LRP1B: variants seen among roughly 807,000 people sequenced by gnomAD.
LRP1B encodes the protein low-density lipoprotein receptor-related protein 1B.
LRP1B carries 217 observed loss-of-function variants against 556.6 expected under a neutral mutation model. The ratio of observed to expected loss-of-function variants is 0.39; its 90% CI spans 0.35 to 0.44. The LOEUF (loss-of-function observed/expected upper bound fraction) is 0.44, where lower values mean the gene tolerates loss of function less well. Ranked by LOEUF, LRP1B falls within the 20% of genes least tolerant of loss-of-function variation. The probability of loss-of-function intolerance (pLI) is 1.00; values close to 1 mark genes in which losing one functional copy is unlikely to be tolerated. For synonymous variants in LRP1B, 2,047 were observed against 1,865.8 expected, an observed-to-expected ratio of 1.10 and a Z score of -2.50; for missense variants, 5,053 against 5,620.8, an observed-to-expected ratio of 0.90 and a Z score of 3.23.
rs189995831 is a variant in LRP1B at position 140,902,852 on chromosome 2, A to G, written c.3766+68T>C. On this transcript the variant is annotated intron_variant, in intron 23 of 90. Coordinates refer to ENST00000389484, the MANE Select transcript of LRP1B (RefSeq NM_018557.3). Reference sequence around the variant, plus strand: ...AATCCTTTCATTAATTTTCTGAAGCAGTTTTGGGATTTGTTTCTTTCAAGA... The same window carrying G: ...AATCCTTTCATTAATTTTCTGAAGCGGTTTTGGGATTTGTTTCTTTCAAGA... 1.7e-4 allele frequency: 261 copies of G among 1,507,332 alleles called. No homozygotes were observed. The African/African-American group carries it at 3.3e-3, about 19-fold the overall frequency. The allele number at this position is 1,507,332 out of a possible 1,614,324, so 93.4% of individuals were successfully genotyped here.
intron 1 of LRP1B, among the ~76,000 whole-genome samples, chr2:142,043,411 C>G (rs937468660): frequency 6.6e-6 from 1 of 151,520 alleles, no homozygotes. Context: ...AGTTGAACCT[C>G]TATTCAAAGG....
intron 1 of LRP1B, among the ~76,000 whole-genome samples, chr2:141,946,806 A>G (rs1465836916): frequency 1.3e-5 from 2 of 152,224 alleles, no homozygotes; most frequent in Non-Finnish European, 2.9e-5. Flanking sequence ...ATTTGTTATA[A>G]GCCTAAAATA....
intron 16 of LRP1B, among the ~76,000 whole-genome samples, chr2:140,992,178 G>GA (rs377009997): frequency 1.3e-5 from 2 of 151,692 alleles, no homozygotes; most frequent in Non-Finnish European, 2.9e-5. Flanking sequence ...TTAGGAAGTA[G>GA]AAAAAATAGG....
chr2:141,170,939 C>A (rs181421366), intron 7 of LRP1B, among the ~76,000 whole-genome samples: 6 of 152,098 alleles, frequency 3.9e-5, no homozygotes, highest in African/African-American at 1.2e-4. Context: ...CATCTGTTTC[C>A]TGATTGATCC....
intron 4 of LRP1B, among the ~76,000 whole-genome samples, chr2:141,251,370 T>A (rs571922098): frequency 2.6e-5 from 4 of 152,082 alleles, no homozygotes; most frequent in African/African-American, 4.8e-5. Flanking sequence ...AATAAGATAA[T>A]TGGGAAAGTA....
At chr2:141,054,884 T>TA (rs958353694) in intron 10 of LRP1B, among the ~76,000 whole-genome samples, 1 of 151,986 alleles carries the variant, frequency 6.6e-6, no homozygotes, top group Non-Finnish European at 1.5e-5. Context: ...TTCCTCAACA[T>TA]ATGTTTCCCT....
chr2:140,335,239 A>G (rs1043047331), intron 78 of LRP1B, among the ~76,000 whole-genome samples: 1 of 151,800 alleles, frequency 6.6e-6, no homozygotes, highest in Admixed American at 6.6e-5. Context: ...TTTTATTACC[A>G]TAGAGAAAAA....
intron 2 of LRP1B, among the ~76,000 whole-genome samples, chr2:141,487,362 A>G (rs1378224687): frequency 6.6e-6 from 1 of 152,140 alleles, no homozygotes; most frequent in African/African-American, 2.4e-5. Flanking sequence ...TGCTTGGCAT[A>G]CCATTGTTGA....
chr2:141,046,805 G>C (rs535472064), intron 11 of LRP1B, among the ~76,000 whole-genome samples: 234 of 152,218 alleles, frequency 1.5e-3, no homozygotes, highest in Non-Finnish European at 2.6e-3. Context: ...GTGTTGGCCA[G>C]GCATGGTGGC....
At chr2:141,878,999 T>C (rs1362693900) in intron 1 of LRP1B, among the ~76,000 whole-genome samples, 1 of 151,926 alleles carries the variant, frequency 6.6e-6, no homozygotes, top group Non-Finnish European at 1.5e-5. Flanking sequence ...TTTACATAAA[T>C]ATACGTAACT....
intron 2 of LRP1B, among the ~76,000 whole-genome samples, chr2:141,616,213 C>T (rs536507759): frequency 1.1e-4 from 16 of 150,976 alleles, no homozygotes; most frequent in African/African-American, 2.9e-4. Flanking sequence ...ACCCAGGAGA[C>T]GGAGGTTGCA....
intron 5 of LRP1B, among the ~76,000 whole-genome samples, chr2:141,230,708 A>G (rs1197862327): frequency 3.3e-5 from 5 of 152,200 alleles, no homozygotes; most frequent in African/African-American, 1.2e-4. Context: ...CTGCCACCTC[A>G]GAGGGGCTTC....
chr2:141,695,969 A>G (rs1348779864), intron 2 of LRP1B, among the ~76,000 whole-genome samples: 5 of 151,946 alleles, frequency 3.3e-5, no homozygotes, highest in African/African-American at 7.2e-5. Flanking sequence ...TTCTCCTTGA[A>G]CTACCTGTAT....
intron 41 of LRP1B, among the ~76,000 whole-genome samples, chr2:140,680,633 G>A (rs1000438646): frequency 1.3e-5 from 2 of 152,098 alleles, no homozygotes; most frequent in African/African-American, 4.8e-5. Flanking sequence ...TAGAGCTTAA[G>A]AACATTGCAT....
At chr2:141,756,571 A>G (rs1694327247) in intron 2 of LRP1B, among the ~76,000 whole-genome samples, 1 of 151,922 alleles carries the variant, frequency 6.6e-6, no homozygotes, top group African/African-American at 2.4e-5. Context: ...ACACACACAC[A>G]CACACACACA....
Position 141,032,826 on chromosome 2 carries a change from C to CATACATACATATATATATATATATATAT in LRP1B, c.1790-12725_1790-12724insATATATATATATATATATATGTATGTAT. ...ATGTGTGTGTGTATATATATACATA[C>CATACATACATATATATATATATATATAT]ATATATATATATATGCAGGCATATG... On this transcript the variant is annotated intron_variant, in intron 11 of 90. Transcript: ENST00000389484. Among the ~76,000 whole-genome samples, 77 of 126,644 alleles carry CATACATACATATATATATATATATATAT rather than the reference C, an allele frequency of 6.1e-4. 5 individuals are homozygous for CATACATACATATATATATATATATATAT. Among genetic ancestry groups the CATACATACATATATATATATATATATAT allele is most frequent in the East Asian group, 1.5e-3 (6 of 3,970 alleles). The allele number at this position is 126,644 out of a possible 152,430, so 83.1% of individuals were successfully genotyped here. A position where few individuals can be genotyped will look rare whatever the true frequency, so the allele number is the denominator to read the frequency against.
intron 6 of LRP1B, among the ~76,000 whole-genome samples, chr2:141,215,147 C>A (rs1682737297): frequency 6.6e-6 from 1 of 152,114 alleles, no homozygotes; most frequent in Non-Finnish European, 1.5e-5. Flanking sequence ...CCCTTGAGAT[C>A]TGGTTATTTG....
At chr2:141,254,698 T>A in intron 3 of LRP1B, 57 bp from the exon 4 acceptor site, 1 of 1,361,614 alleles carries the variant, frequency 7.3e-7, no homozygotes. Context: ...AAATAGTTTG[T>A]ATTTCTCAGT....
chr2:141,835,567 T>C (rs992607007), intron 1 of LRP1B, among the ~76,000 whole-genome samples: 1 of 151,838 alleles, frequency 6.6e-6, no homozygotes, highest in Non-Finnish European at 1.5e-5. Context: ...GAAAAAGATA[T>C]AAATAGAAGA....
Sources: allele counts gnomAD v4.1 joint callset (sites outside exome capture counted in the v4.1 genomes callset), GRCh38; gene constraint gnomAD v4.1.1; transcripts MANE v1.5; gene names NCBI Gene and HGNC (gene_info 2026-07-23, HGNC 2026-07-21).